NREP: variants seen among roughly 807,000 people sequenced by gnomAD.
The protein encoded by NREP is neuronal regeneration-related protein.
In NREP, 5 loss-of-function variants were observed where a neutral mutation model predicts 8.6. That is an observed-to-expected ratio of 0.58 (90% CI 0.30 to 1.22). The LOEUF (loss-of-function observed/expected upper bound fraction) is 1.22, where lower values mean the gene tolerates loss of function less well. NREP is among the 50% of genes most tolerant of loss of function. NREP has a pLI of 0.07. For missense variants in NREP, 86 were observed against 82.5 expected, an observed-to-expected ratio of 1.04 and a Z score of -0.17; for synonymous variants, 27 against 28.0, an observed-to-expected ratio of 0.96 and a Z score of 0.11.
intron 2 of NREP, among the ~76,000 whole-genome samples, chr5:111,919,845 C>T (rs1162105842): frequency 1.5e-5 from 2 of 137,504 alleles, no homozygotes; most frequent in African/African-American, 5.7e-5. Context: ...ACATTCTGCA[C>T]ATGTATCCCA....
chr5:111,840,184 G>C (rs530464587), intron 2 of NREP, among the ~76,000 whole-genome samples: 1 of 151,890 alleles, frequency 6.6e-6, no homozygotes, highest in African/African-American at 2.4e-5. Flanking sequence ...ATATGTCATA[G>C]CTCTGCTGTT....
At chr5:111,840,671 T>C (rs1437909452) in intron 2 of NREP, among the ~76,000 whole-genome samples, 1 of 152,088 alleles carries the variant, frequency 6.6e-6, no homozygotes. Context: ...CACTTACTGG[T>C]CAACAATATT....
At chr5:111,769,762 A>G (rs963665834) in intron 2 of NREP, among the ~76,000 whole-genome samples, 1 of 152,182 alleles carries the variant, frequency 6.6e-6, no homozygotes, top group African/African-American at 2.4e-5. Context: ...GGGAAGTGCT[A>G]CACACTTTTA....
chr5:111,880,827 C>T (rs1051686188), intron 2 of NREP, among the ~76,000 whole-genome samples: 1 of 148,766 alleles, frequency 6.7e-6, no homozygotes, highest in Admixed American at 6.8e-5. Flanking sequence ...GCCTCAACAT[C>T]CCAGGCTCAT....
chr5:111,757,723 C>T (rs541078319), upstream of NREP: 29 of 984,720 alleles, frequency 2.9e-5, no homozygotes, highest in Non-Finnish European at 3.5e-5. Flanking sequence ...CTCTGCGCCC[C>T]GGCCCCGCCC....
chr5:111,936,070 A>T (rs1755673102), intron 2 of NREP, among the ~76,000 whole-genome samples: 1 of 151,950 alleles, frequency 6.6e-6, no homozygotes, highest in African/African-American at 2.4e-5. Flanking sequence ...TTGTCTTCCC[A>T]TGGTGTTCTC....
chr5:111,735,033 T>C (rs73787360), intron 3 of NREP: 16,016 of 347,646 alleles, frequency 0.046, 1,346 homozygotes, highest in African/African-American at 0.23. Context: ...GTTCCTCCCT[T>C]TTGCTTCATG....
chr5:111,832,738 A>G (rs1276219295), intron 2 of NREP, among the ~76,000 whole-genome samples: 3 of 152,212 alleles, frequency 2.0e-5, no homozygotes, highest in African/African-American at 7.2e-5. Context: ...CTCAGCTGCT[A>G]CGCTTTCCAG....
intron 2 of NREP, among the ~76,000 whole-genome samples, chr5:111,919,480 C>T (rs1460159188): frequency 6.6e-6 from 1 of 152,076 alleles, no homozygotes; most frequent in Non-Finnish European, 1.5e-5. Context: ...ACCCAAATGC[C>T]CATCAATGAT....
At chr5:111,893,098 T>C (rs1452774984) in intron 2 of NREP, among the ~76,000 whole-genome samples, 1 of 152,166 alleles carries the variant, frequency 6.6e-6, no homozygotes, top group African/African-American at 2.4e-5. Context: ...TGTATGACAG[T>C]TGCAGCCAGA....
At chr5:111,762,722 T>C (rs908920141), upstream of NREP, among the ~76,000 whole-genome samples, 4 of 152,068 alleles carry the variant, frequency 2.6e-5, no homozygotes, top group African/African-American at 7.2e-5. Context: ...AGAATTCTAG[T>C]CTCCAGAACT....
chr5:111,922,978 C>T (rs1206846511), intron 2 of NREP, among the ~76,000 whole-genome samples: 2 of 152,160 alleles, frequency 1.3e-5, no homozygotes, highest in African/African-American at 2.4e-5. Flanking sequence ...CCGATCCTTT[C>T]TGATGTCCTT....
intron 2 of NREP, among the ~76,000 whole-genome samples, chr5:111,787,958 C>G (rs1751649603): frequency 6.6e-6 from 1 of 151,976 alleles, no homozygotes; most frequent in Non-Finnish European, 1.5e-5. Flanking sequence ...ATTAGCTGGC[C>G]AGGGTGGTGC....
At position 111,832,481 on chromosome 5, in the gene NREP, A is replaced by G. The variant is rs113648162; in HGVS notation, c.136-96974T>C. On this transcript the variant is annotated intron_variant, in intron 2 of 3. Coordinates refer to the NREP transcript ENST00000395634. ...TCTGGGACGAGCTTGCAATGAGCGGACATAGCATCACTGCACTCCTGCCTG... is the reference window on the plus strand; with the variant it reads ...TCTGGGACGAGCTTGCAATGAGCGGGCATAGCATCACTGCACTCCTGCCTG... 3.8e-3 allele frequency among the ~76,000 whole-genome samples: 573 copies of G among 152,196 alleles called. 3 individuals are homozygous for G. The highest frequency in any genetic ancestry group is 0.013 in the African/African-American group (540 of 41,536).
chr5:111,811,890 G>A (rs778471704), intron 2 of NREP, among the ~76,000 whole-genome samples: 36 of 152,070 alleles, frequency 2.4e-4, no homozygotes, highest in Non-Finnish European at 2.2e-4. Flanking sequence ...TTTACAAAAG[G>A]AAAATATAAC....
At chr5:111,817,576 T>A (rs538295166) in intron 2 of NREP, among the ~76,000 whole-genome samples, 15 of 152,038 alleles carry the variant, frequency 9.9e-5, no homozygotes, top group Non-Finnish European at 2.2e-4. Context: ...GAGGCCAAGG[T>A]GGGTGGATCA....
At chr5:111,906,825 G>T (rs1204578468) in intron 2 of NREP, among the ~76,000 whole-genome samples, 1 of 152,006 alleles carries the variant, frequency 6.6e-6, no homozygotes, top group African/African-American at 2.4e-5. Flanking sequence ...TTGGTGAAGT[G>T]TCCATATCTC....
intron 2 of NREP, among the ~76,000 whole-genome samples, chr5:111,821,673 A>T (rs1415932232): frequency 6.6e-6 from 1 of 152,168 alleles, no homozygotes; most frequent in Non-Finnish European, 1.5e-5. Flanking sequence ...CAATAAAACA[A>T]GAAGCAAGTA....
chr5:111,906,865 T>A (rs1429122140), intron 2 of NREP, among the ~76,000 whole-genome samples: 1 of 152,100 alleles, frequency 6.6e-6, no homozygotes, highest in Admixed American at 6.6e-5. Context: ...AACTTTTTAC[T>A]TACTATGTGA....
Sources: gnomAD v4.1 joint callset for allele counts (sites outside exome capture counted in the v4.1 genomes callset) on GRCh38, gnomAD v4.1.1 for gene constraint, MANE v1.5 for transcripts, NCBI Gene and HGNC (gene_info 2026-07-23, HGNC 2026-07-21) for gene names.